The following SLC16A3 variants were observed in gnomAD, a reference collection of about 807,000 sequenced individuals.
SLC16A3 encodes the protein monocarboxylate transporter 4.
In SLC16A3, 22 loss-of-function variants were observed where a neutral mutation model predicts 25.0. That is an observed-to-expected ratio of 0.88 (90% CI 0.63 to 1.26). The LOEUF (loss-of-function observed/expected upper bound fraction) is 1.26. Ranked by LOEUF, SLC16A3 falls within the 50% of genes most tolerant of loss-of-function variation. The pLI, the probability that SLC16A3 is intolerant of heterozygous loss-of-function variation, is 0.00. For missense variants in SLC16A3, 731 were observed against 666.6 expected (o/e 1.10, Z -1.06); for synonymous variants, 390 against 309.2 (o/e 1.26, Z -2.74).
intron 1 of SLC16A3, chr17:82,229,843 C>G (rs371916970): frequency 2.0e-5 from 3 of 152,476 alleles, no homozygotes; most frequent in East Asian, 3.9e-4. Context: ...AGACAGGAGC[C>G]GCAGAGTGGA....
chr17:82,227,705 G>C (rs893796902), upstream of SLC16A3, among the ~76,000 whole-genome samples: 1 of 147,530 alleles, frequency 6.8e-6, no homozygotes, highest in Non-Finnish European at 1.5e-5. Context: ...CAACTAAGTA[G>C]AGTCTTCATC....
rs748020719 is a variant in SLC16A3, at chr17:82,237,927, C to T, written c.1123+34C>T. The T allele has an allele frequency of 1.0e-5, 16 of 1,584,170 alleles. No individual in the cohort carries two copies. In the South Asian group the frequency reaches 1.7e-4, roughly 17 times the overall value. ...TGCGCCCCCAGGCAGTTCCCCACAC[C>T]TGCCCTTCCCGTCAGACGCCCGCTT... On this transcript the variant is annotated intron_variant, in intron 4 of 4. Transcript: ENST00000582743.
chr17:82,219,416 A>G (rs1015267836), intron 1 of SLC16A3, among the ~76,000 whole-genome samples: 2 of 152,028 alleles, frequency 1.3e-5, no homozygotes, highest in African/African-American at 4.8e-5. Context: ...CCTCCCCTAG[A>G]CAGCAGGGAA....
chr17:82,238,044 C>A (rs2050658767), intron 4 of SLC16A3, 151 bp downstream of exon 4: 3 of 902,738 alleles, frequency 3.3e-6, no homozygotes, highest in African/African-American at 3.4e-5. Flanking sequence ...AACCCTGATT[C>A]TGCTGGGGCT....
In SLC16A3 at chr17:82,237,628, G is replaced by C; in HGVS notation, c.858G>C (p.Gly286=). The change falls in exon 4 of 5, where the codon GGG becomes GGC. Residue 286 remains glycine, a synonymous_variant. Transcript: ENST00000582743. ...FARPAAGFVA[G]LGKVRPYSVY... ...GGCCGGCCGCGGGCTTCGTGGCGGG[G>C]CTTGGGAAGGTGCGGCCCTACTCCG... 1.2e-6 allele frequency: 2 copies of C among 1,612,954 alleles called. No individual in the cohort carries two copies. The highest frequency in any genetic ancestry group is 1.7e-6 in the Non-Finnish European group (2 of 1,179,908).
chr17:82,219,015 C>T (rs986912087), intron 1 of SLC16A3, among the ~76,000 whole-genome samples: 21 of 152,082 alleles, frequency 1.4e-4, no homozygotes, highest in African/African-American at 2.4e-4. Flanking sequence ...CTGAGGGTCT[C>T]GGAGGGTCTG....
chr17:82,227,643 CCACCTGCCCT>C, upstream of SLC16A3, among the ~76,000 whole-genome samples: 2 of 23,308 alleles, frequency 8.6e-5, no homozygotes, highest in Admixed American at 7.2e-4. Context: ...GGCGGGAGCA[CCACCTGCCCT>C]GGGCGGGAGC....
Position 82,236,920 on chromosome 17 carries a change from C to T in SLC16A3, c.367+48C>T, listed in dbSNP as rs764761461. 5.0e-6 allele frequency: 8 copies of T among 1,591,678 alleles called. No homozygotes were observed. The Middle Eastern group carries it at 5.6e-4, about 111-fold the overall frequency. On this transcript the variant is annotated intron_variant, in intron 3 of 4. Coordinates refer to ENST00000582743, the MANE Select transcript of SLC16A3 (RefSeq NM_004207.4). Reference sequence around the variant, plus strand: ...CCGCACGTGCCAGGAGGGGCAGGGGCCGTGCACTTCTGCTCCTGGGTCCAG... The same window carrying T: ...CCGCACGTGCCAGGAGGGGCAGGGGTCGTGCACTTCTGCTCCTGGGTCCAG...
intron 1 of SLC16A3, among the ~76,000 whole-genome samples, chr17:82,219,502 G>T (rs1171013134): frequency 6.6e-6 from 1 of 152,122 alleles, no homozygotes; most frequent in Admixed American, 6.5e-5. Flanking sequence ...GGTCTCGCAG[G>T]CCAGAGGCCT....
upstream of SLC16A3, chr17:82,228,567 G>A (rs1297201799): frequency 6.6e-6 from 1 of 152,328 alleles, no homozygotes; most frequent in Admixed American, 6.5e-5. Flanking sequence ...CCTCAGAGAG[G>A]GAGGATGTGG....
chr17:82,238,622 C>A, intron 4 of SLC16A3, 80 bp from the exon 5 acceptor site: 1 of 1,421,620 alleles, frequency 7.0e-7, no homozygotes, highest in African/African-American at 1.4e-5. Context: ...GCTGAGACAC[C>A]GAGACACAGG....
chr17:82,237,453 T>C lies in SLC16A3; in HGVS notation c.683T>C (p.Phe228Ser). ...LDLSVFRDRG[F>S]VLYAVAASVM... Reference sequence around the variant, plus strand: ...CTGAGCGTCTTCCGGGACCGCGGCTTTGTGCTTTACGCCGTGGCCGCCTCG... The same window carrying C: ...CTGAGCGTCTTCCGGGACCGCGGCTCTGTGCTTTACGCCGTGGCCGCCTCG... The change falls in exon 4 of 5, where the codon TTT (phenylalanine) becomes TCT (serine). Residue 228 changes from phenylalanine (F) to serine (S), a missense_variant. Transcript: ENST00000582743. 6.2e-7 allele frequency: 1 copy of C among 1,604,248 alleles called. No individual in the cohort carries two copies. Among genetic ancestry groups the C allele is most frequent in the Non-Finnish European group, 8.5e-7 (1 of 1,177,332 alleles).
Position 82,240,033 on chromosome 17 carries a change from C to T in SLC16A3, c.*1057C>T, listed in dbSNP as rs933219613. 6 of 1,233,698 alleles carry T rather than the reference C, an allele frequency of 4.9e-6. No individual in the cohort carries two copies. The African/African-American group carries it at 6.2e-5, about 13-fold the overall frequency. 76.4% of individuals were successfully genotyped at this position (1,233,698 alleles called of 1,614,324 possible). A position where few individuals can be genotyped will look rare whatever the true frequency, so the allele number is the denominator to read the frequency against. On this transcript the variant is annotated 3_prime_UTR_variant, in exon 5 of 5. Coordinates refer to ENST00000582743, the MANE Select transcript of SLC16A3 (RefSeq NM_004207.4). Reference sequence around the variant, plus strand: ...AGCGGGTGCCCTGGCGGGCCGCGTGCAGCCGGAGAGATGCCATGTCCCTGC... The same window carrying T: ...AGCGGGTGCCCTGGCGGGCCGCGTGTAGCCGGAGAGATGCCATGTCCCTGC...
chr17:82,225,762 G>A (rs950094367), upstream of SLC16A3, among the ~76,000 whole-genome samples: 4 of 152,160 alleles, frequency 2.6e-5, no homozygotes, highest in Admixed American at 6.5e-5. Context: ...AATGGTGTGC[G>A]GGGTTCCCAA....
intron 1 of SLC16A3, chr17:82,234,084 C>T (rs1241848464): frequency 3.3e-5 from 5 of 152,228 alleles, no homozygotes; most frequent in Non-Finnish European, 4.4e-5. Flanking sequence ...TCGTGATCCG[C>T]CCGCCTTGGC....
chr17:82,237,968 G>C (rs1338100369), intron 4 of SLC16A3, 75 bp downstream of exon 4: 1 of 1,499,960 alleles, frequency 6.7e-7, no homozygotes, highest in African/African-American at 1.4e-5. Flanking sequence ...GGGGGGGGAC[G>C]CGCACCCCTC....
rs535359588 is a variant in SLC16A3, at chr17:82,239,210, C to A, written c.*234C>A. On this transcript the variant is annotated 3_prime_UTR_variant, in exon 5 of 5. Coordinates refer to ENST00000582743, the MANE Select transcript of SLC16A3 (RefSeq NM_004207.4). ...CCGCAAGGTTACAAGGCATCCTCACCAGGGGCCCCGCCTGCTGCTCCCAGG... is the reference window on the plus strand; with the variant it reads ...CCGCAAGGTTACAAGGCATCCTCACAAGGGGCCCCGCCTGCTGCTCCCAGG... The A allele has an allele frequency of 3.2e-4, 112 of 352,694 alleles. 1 individual carries two copies. The East Asian group carries it at 4.4e-3, about 14-fold the overall frequency. 21.8% of individuals were successfully genotyped at this position (352,694 alleles called of 1,614,324 possible).
At position 82,236,063 on chromosome 17, in the gene SLC16A3, G is replaced by T. The variant is rs766184108; in HGVS notation, c.55G>T (p.Gly19Cys). Residue 19 changes from glycine to cysteine, a missense_variant, in exon 2 of 5, where the codon GGC (glycine) becomes TGC (cysteine). By Grantham distance (159) the Gly-to-Cys change is radical. Coordinates refer to ENST00000582743, the MANE Select transcript of SLC16A3 (RefSeq NM_004207.4). ...GPTGVKAPDGGWGWAVLFGCF... is the reference protein window; with the variant it reads ...GPTGVKAPDGCWGWAVLFGCF... The stretch of plus-strand genomic sequence containing the variant: ...CACAGGCGTCAAGGCCCCTGACGGC[G>T]GCTGGGGCTGGGCCGTGCTCTTCGG... 6.2e-6 allele frequency: 10 copies of T among 1,612,616 alleles called. No homozygotes were observed. Among genetic ancestry groups the T allele is most frequent in the South Asian group, 2.2e-5 (2 of 91,088 alleles).
Position 82,238,992 on chromosome 17 carries a change from C to A in SLC16A3, c.*16C>A. ...AAGTGTCTGAGTGGCTGGGCGGGGCCGGCAGGCACAGGGAGGAGGTACAGA... is the reference window on the plus strand; with the variant it reads ...AAGTGTCTGAGTGGCTGGGCGGGGCAGGCAGGCACAGGGAGGAGGTACAGA... On this transcript the variant is annotated 3_prime_UTR_variant, in exon 5 of 5. Coordinates refer to ENST00000582743, the MANE Select transcript of SLC16A3 (RefSeq NM_004207.4). 6.7e-7 allele frequency: 1 copy of A among 1,502,362 alleles called. No homozygotes were observed. Among genetic ancestry groups the A allele is most frequent in the Admixed American group, 2.1e-5 (1 of 46,662 alleles). The allele number at this position is 1,502,362 out of a possible 1,614,324, so 93.1% of individuals were successfully genotyped here.
Sources: allele counts gnomAD v4.1 joint callset (sites outside exome capture counted in the v4.1 genomes callset), GRCh38; gene constraint gnomAD v4.1.1; transcripts MANE v1.5; gene names NCBI Gene and HGNC (gene_info 2026-07-23, HGNC 2026-07-21).